The following AKAP6 variants were observed in gnomAD, a reference collection of about 807,000 sequenced individuals.
AKAP6 encodes A-kinase anchor protein 6.
In AKAP6, 58 loss-of-function variants were observed where a neutral mutation model predicts 188.5. That is an observed-to-expected ratio of 0.31 (90% CI 0.25 to 0.38). The LOEUF is 0.38. Ranked by LOEUF, AKAP6 falls within the 10% of genes least tolerant of loss-of-function variation. The pLI, the probability that AKAP6 is intolerant of heterozygous loss-of-function variation, is 1.00. For synonymous variants in AKAP6, 989 were observed against 998.6 expected (o/e 0.99, Z 0.18); for missense variants, 2,710 against 2,740.0 (o/e 0.99, Z 0.24).
At chr14:32,777,609 A>C (rs528642631) in intron 12 of AKAP6, among the ~76,000 whole-genome samples, 93 of 152,296 alleles carry the variant, frequency 6.1e-4, no homozygotes, top group Non-Finnish European at 1.1e-3. Context: ...GTAAACCTGA[A>C]AACATAGCAA....
chr14:32,342,807 G>A (rs1366367582), intron 1 of AKAP6, among the ~76,000 whole-genome samples: 3 of 151,980 alleles, frequency 2.0e-5, no homozygotes, highest in Admixed American at 1.3e-4. Context: ...CTGTCTGATC[G>A]GAGAATTCTC....
At chr14:32,551,962 G>A (rs1464093681) in intron 4 of AKAP6, among the ~76,000 whole-genome samples, 5 of 151,976 alleles carry the variant, frequency 3.3e-5, no homozygotes, top group Non-Finnish European at 2.9e-5. Flanking sequence ...CACCACGCCC[G>A]GCCTACATTC....
intron 1 of AKAP6, among the ~76,000 whole-genome samples, chr14:32,424,102 A>G (rs770547366): frequency 6.6e-6 from 1 of 152,220 alleles, no homozygotes; most frequent in Non-Finnish European, 1.5e-5. Flanking sequence ...TGATCCTCTC[A>G]TAATGCTGAT....
At position 32,823,122 on chromosome 14, in the gene AKAP6, T is replaced by A; in HGVS notation, c.5309T>A (p.Ile1770Asn). 6.2e-7 allele frequency: 1 copy of A among 1,613,734 alleles called. No homozygotes were observed. Among genetic ancestry groups the A allele is most frequent in the Non-Finnish European group, 8.5e-7 (1 of 1,179,868 alleles). ...TLTLTEEELC[I>N]KDEDDDSSIA... ...ACCTTGACTGAAGAAGAGCTGTGCA[T>A]CAAAGATGAGGATGACGACTCCAGT... The change falls in exon 13 of 14, where the codon ATC (isoleucine) becomes AAC (asparagine). Residue 1770 changes from isoleucine (I) to asparagine (N), a missense_variant. Physicochemically the swap from Ile to Asn is moderately radical, Grantham distance 149 (BLOSUM62 -3). This residue lies in a region of AKAP6 where 2,473 missense variants were observed against 2,426.1 expected (regional missense o/e 1.02). Transcript: ENST00000280979.
At chr14:32,681,676 A>ATT (rs1238926762) in intron 8 of AKAP6, among the ~76,000 whole-genome samples, 1,596 of 119,274 alleles carry the variant, frequency 0.013, 28 homozygotes, top group African/African-American at 0.054. Context: ...TAATTTGACA[A>ATT]ATTTTTTTTT....
intron 2 of AKAP6, among the ~76,000 whole-genome samples, chr14:32,470,560 G>A (rs1878719237): frequency 6.6e-6 from 1 of 152,164 alleles, no homozygotes; most frequent in Non-Finnish European, 1.5e-5. Context: ...CTTCATCTCT[G>A]GGGAAAGTAA....
intron 2 of AKAP6, among the ~76,000 whole-genome samples, chr14:32,441,295 A>G (rs1013668807): frequency 6.6e-6 from 1 of 152,190 alleles, no homozygotes; most frequent in Non-Finnish European, 1.5e-5. Context: ...TGCTTTTTCT[A>G]CAATTAGTGC....
chr14:32,442,145 G>A (rs1406141401), intron 2 of AKAP6, among the ~76,000 whole-genome samples: 2 of 152,144 alleles, frequency 1.3e-5, no homozygotes, highest in African/African-American at 2.4e-5. Context: ...CTTACTTATA[G>A]TATCTTATTT....
At chr14:32,646,621 G>A (rs1487913257) in intron 7 of AKAP6, among the ~76,000 whole-genome samples, 1 of 152,144 alleles carries the variant, frequency 6.6e-6, no homozygotes, top group African/African-American at 2.4e-5. Flanking sequence ...TCATTGCACT[G>A]ATTTAGCATG....
At chr14:32,569,617 T>C (rs143782871) in intron 4 of AKAP6, among the ~76,000 whole-genome samples, 119 of 152,322 alleles carry the variant, frequency 7.8e-4, no homozygotes, top group African/African-American at 2.7e-3. Flanking sequence ...CTAAATCTAG[T>C]CATTTTATGT....
At chr14:32,389,833 T>C (rs1266044820) in intron 1 of AKAP6, among the ~76,000 whole-genome samples, 1 of 152,148 alleles carries the variant, frequency 6.6e-6, no homozygotes, top group Non-Finnish European at 1.5e-5. Flanking sequence ...TAGGCAATAA[T>C]ATTTTGGCGA....
chr14:32,350,027 AATAG>A (rs558342386), intron 1 of AKAP6, among the ~76,000 whole-genome samples: 408 of 152,344 alleles, frequency 2.7e-3, no homozygotes, highest in Non-Finnish European at 4.3e-3. Flanking sequence ...TAATTGAATA[AATAG>A]ATAAACAGGA....
intron 12 of AKAP6, among the ~76,000 whole-genome samples, chr14:32,806,995 C>T (rs113604332): frequency 0.012 from 1,821 of 151,486 alleles, 40 homozygotes; most frequent in African/African-American, 0.042. Flanking sequence ...CAGAGGTTGC[C>T]GTGAGCCATG....
At chr14:32,816,033 T>C (rs2034369231) in intron 12 of AKAP6, among the ~76,000 whole-genome samples, 1 of 152,208 alleles carries the variant, frequency 6.6e-6, no homozygotes, top group Non-Finnish European at 1.5e-5. Context: ...CATTATTCTT[T>C]TTATCCTAAT....
At chr14:32,426,771 G>A (rs1395752220) in intron 1 of AKAP6, among the ~76,000 whole-genome samples, 2 of 152,154 alleles carry the variant, frequency 1.3e-5, no homozygotes, top group African/African-American at 4.8e-5. Context: ...CTGTAGAGGA[G>A]GAAAGAAAAT....
At chr14:32,756,235 G>T (rs1203989523) in intron 11 of AKAP6, among the ~76,000 whole-genome samples, 1 of 152,138 alleles carries the variant, frequency 6.6e-6, no homozygotes, top group East Asian at 1.9e-4. Flanking sequence ...TGCAGCCAGG[G>T]TTCTCTAGTG....
At chr14:32,362,490 A>C (rs761941102) in intron 1 of AKAP6, among the ~76,000 whole-genome samples, 1 of 152,188 alleles carries the variant, frequency 6.6e-6, no homozygotes, top group South Asian at 2.1e-4. Flanking sequence ...TATCCCAAAT[A>C]GTAGTTTTCC....
chr14:32,640,578 A>T (rs555730597), intron 7 of AKAP6, among the ~76,000 whole-genome samples: 2 of 152,292 alleles, frequency 1.3e-5, no homozygotes, highest in South Asian at 4.1e-4. Context: ...TGTTGTAATC[A>T]ATTCTTAAAA....
chr14:32,402,900 T>G (rs2138620670), intron 1 of AKAP6: 1 of 152,262 alleles, frequency 6.6e-6, no homozygotes, highest in African/African-American at 2.4e-5. Context: ...TGGCTAATTT[T>G]TTTGTGTTTT....
Sources: allele counts gnomAD v4.1 joint callset (sites outside exome capture counted in the v4.1 genomes callset), GRCh38; gene constraint gnomAD v4.1.1; regional missense constraint gnomAD v4.1.1; transcripts MANE v1.5; gene names NCBI Gene and HGNC (gene_info 2026-07-23, HGNC 2026-07-21).